PPFIA1: variants seen among roughly 807,000 people sequenced by gnomAD.
PPFIA1 encodes liprin-alpha-1.
PPFIA1 carries 25 observed loss-of-function variants against 149.9 expected under a neutral mutation model. The ratio of observed to expected loss-of-function variants is 0.17; its 90% CI spans 0.12 to 0.23. PPFIA1 has a LOEUF of 0.23. PPFIA1 is among the 10% of genes least tolerant of loss of function. The probability of loss-of-function intolerance (pLI) is 1.00; values close to 1 mark genes in which losing one functional copy is unlikely to be tolerated. For synonymous variants in PPFIA1, 549 were observed against 552.8 expected (o/e 0.99, Z 0.10); for missense variants, 1,362 against 1,506.5 (o/e 0.90, Z 1.59).
intron 16 of PPFIA1, chr11:70,349,817 G>A (rs1280397868): frequency 2.3e-6 from 1 of 439,846 alleles, no homozygotes; most frequent in South Asian, 1.6e-5. Flanking sequence ...AGTTGTGTAT[G>A]TATATATATT....
chr11:70,340,171 G>T (rs954336443), intron 14 of PPFIA1, among the ~76,000 whole-genome samples: 2 of 151,854 alleles, frequency 1.3e-5, no homozygotes, highest in Non-Finnish European at 2.9e-5. Flanking sequence ...GTTGGGTGTG[G>T]TAGTGTGTGC....
At position 70,330,261 on chromosome 11, in the gene PPFIA1, A is replaced by G. The variant is rs916549293; in HGVS notation, c.1019A>G (p.His340Arg). Reference protein sequence around the residue: ...LAAQREATSVHDLNDKLENEI... With the variant: ...LAAQREATSVRDLNDKLENEI... ...GCACAGCGTGAAGCCACATCTGTGC[A>G]TGACCTCAATGATAAACTTGAAAAT... is the stretch of plus-strand genomic sequence containing the variant. The change falls in exon 8 of 28, where the codon CAT (histidine) becomes CGT (arginine). Residue 340 changes from histidine to arginine, a missense_variant. Physicochemically the swap from His to Arg is conservative, Grantham distance 29. Around this residue, in one of 7 missense-constraint regions of PPFIA1, gnomAD observed 733 missense variants for 744.1 expected, o/e 0.99. Coordinates refer to ENST00000253925, the MANE Select transcript of PPFIA1 (RefSeq NM_003626.5). 4 of 1,589,762 alleles carry G rather than the reference A, an allele frequency of 2.5e-6. No homozygotes were observed. The highest frequency in any genetic ancestry group is 2.6e-6 in the Non-Finnish European group (3 of 1,171,864).
chr11:70,311,428 A>G (rs1189514237), intron 2 of PPFIA1, among the ~76,000 whole-genome samples: 2 of 152,232 alleles, frequency 1.3e-5, no homozygotes, highest in African/African-American at 4.8e-5. Context: ...CGGAATGCAC[A>G]CAACTGCTTT....
intron 16 of PPFIA1, among the ~76,000 whole-genome samples, chr11:70,349,100 C>T (rs553726239): frequency 2.9e-5 from 4 of 139,840 alleles, no homozygotes; most frequent in Non-Finnish European, 4.5e-5. Context: ...TCTTTCCTTT[C>T]GGAGTGCCCA....
intron 16 of PPFIA1, chr11:70,350,106 G>A (rs552210819): frequency 8.8e-6 from 3 of 341,798 alleles, no homozygotes; most frequent in Non-Finnish European, 1.7e-5. Flanking sequence ...TTATTAATGG[G>A]TTGTTTTTTT....
chr11:70,287,004 C>CACAT (rs752136418), intron 2 of PPFIA1, among the ~76,000 whole-genome samples: 8 of 151,502 alleles, frequency 5.3e-5, no homozygotes, highest in Admixed American at 6.6e-5. Context: ...CACACACACA[C>CACAT]ACATACATAT....
At chr11:70,354,492 C>G in intron 17 of PPFIA1, 40 bp downstream of exon 17, 2 of 1,546,854 alleles carry the variant, frequency 1.3e-6, no homozygotes, top group Non-Finnish European at 1.7e-6. Flanking sequence ...GCGCACCTGT[C>G]TTTTCGTTTC....
intron 10 of PPFIA1, 94 bp from the exon 11 acceptor site, chr11:70,335,469 C>T: frequency 6.9e-7 from 1 of 1,440,782 alleles, no homozygotes; most frequent in Non-Finnish European, 9.5e-7. Flanking sequence ...GAGGGGAGGG[C>T]ACACATGGGG....
intron 26 of PPFIA1, chr11:70,381,290 A>C (rs946457907): frequency 6.6e-6 from 1 of 152,184 alleles, no homozygotes; most frequent in African/African-American, 2.4e-5. Flanking sequence ...GTGGGAAAAC[A>C]AAAAACATAA....
At position 70,277,986 on chromosome 11, in the gene PPFIA1, C is replaced by T. The variant is rs146481080; in HGVS notation, c.264+5550C>T. On this transcript the variant is annotated intron_variant, in intron 2 of 27. Transcript: ENST00000253925. ...AGTGCAGTGATGTGATCTTGGCTCACTGCAACCACCGCCTCCCGGGTTCAA... is the reference window on the plus strand; with the variant it reads ...AGTGCAGTGATGTGATCTTGGCTCATTGCAACCACCGCCTCCCGGGTTCAA... 5.5e-3 allele frequency among the ~76,000 whole-genome samples: 836 copies of T among 152,234 alleles called. 4 individuals carry two copies. The highest frequency in any genetic ancestry group is 9.0e-3 in the Non-Finnish European group (610 of 68,008).
chr11:70,333,629 G>A lies in PPFIA1; in HGVS notation c.1296+76G>A, dbSNP rs563058497. On this transcript the variant is annotated intron_variant, in intron 10 of 27. Transcript: ENST00000253925. Reference sequence around the variant, plus strand: ...ATTGCTCGGCTGTGGGGAGCTCAGGGCCTCCCACCCCTGACTGAGATGTTG... The same window carrying A: ...ATTGCTCGGCTGTGGGGAGCTCAGGACCTCCCACCCCTGACTGAGATGTTG... 7 of 1,146,916 alleles carry A rather than the reference G, an allele frequency of 6.1e-6. No individual in the cohort carries two copies. In the South Asian group the frequency reaches 6.5e-5, roughly 11 times the overall value. 71.0% of individuals were successfully genotyped at this position (1,146,916 alleles called of 1,614,324 possible).
chr11:70,272,226 A>C lies in PPFIA1; in HGVS notation c.54A>C (p.Gly18=). The C allele has an allele frequency of 1.2e-6, 2 of 1,614,032 alleles. No homozygotes were observed. Among genetic ancestry groups the C allele is most frequent in the Non-Finnish European group, 1.7e-6 (2 of 1,179,950 alleles). The change falls in exon 2 of 28, where the codon GGA becomes GGC. Residue 18 remains glycine, a synonymous_variant. Transcript: ENST00000253925. ...GCGAAGCAGAAGGCCCCCCTGGAGG[A>C]GGTGGAGGCCATGGTTCCGGCTCCC... The part of the protein sequence containing the change: ...TISEAEGPPG[G]GGGHGSGSPS...
intron 2 of PPFIA1, among the ~76,000 whole-genome samples, chr11:70,309,263 G>A (rs1483982328): frequency 6.6e-6 from 1 of 151,882 alleles, no homozygotes; most frequent in African/African-American, 2.4e-5. Flanking sequence ...TCCGCCTCTC[G>A]GGTTCAAGCG....
In PPFIA1 at chr11:70,362,409, T is replaced by C; in HGVS notation, c.2786T>C (p.Leu929Pro). 6.2e-7 allele frequency: 1 copy of C among 1,614,152 alleles called. No homozygotes were observed. Among genetic ancestry groups the C allele is most frequent in the Non-Finnish European group, 8.5e-7 (1 of 1,180,030 alleles). Reference protein sequence around the residue: ...IQREIGISNPLHRLKLRLAIQ... With the variant: ...IQREIGISNPPHRLKLRLAIQ... ...CGTGAGATTGGCATCAGCAACCCCC[T>C]GCACAGGCTGAAGCTGAGGCTGGCC... The change falls in exon 21 of 28, where the codon CTG (leucine) becomes CCG (proline). Residue 929 changes from leucine (L) to proline (P), a missense_variant. Transcript: ENST00000253925.
intron 2 of PPFIA1, among the ~76,000 whole-genome samples, chr11:70,314,780 A>G (rs922702642): frequency 6.6e-6 from 1 of 152,240 alleles, no homozygotes; most frequent in African/African-American, 2.4e-5. Flanking sequence ...TGACAGGGAA[A>G]ATAAATAAGA....
intron 24 of PPFIA1, among the ~76,000 whole-genome samples, chr11:70,376,271 G>A (rs2057487698): frequency 6.6e-6 from 1 of 152,132 alleles, no homozygotes; most frequent in Non-Finnish European, 1.5e-5. Flanking sequence ...TTACAGGCAT[G>A]AGCCACCACA....
chr11:70,322,250 T>C (rs887102625), intron 2 of PPFIA1, among the ~76,000 whole-genome samples: 1 of 152,188 alleles, frequency 6.6e-6, no homozygotes, highest in East Asian at 1.9e-4. Flanking sequence ...TAATCTTTCC[T>C]CATGTACGAA....
chr11:70,369,382 AATATTTTGTT>A (rs2057116992), intron 21 of PPFIA1, among the ~76,000 whole-genome samples: 1 of 152,104 alleles, frequency 6.6e-6, no homozygotes. Context: ...TTGACTTGGC[AATATTTTGTT>A]ACATATTTTT....
chr11:70,365,281 T>A (rs2076539348), intron 21 of PPFIA1: 1 of 411,856 alleles, frequency 2.4e-6, no homozygotes, highest in South Asian at 1.7e-5. Context: ...CTCGGCCCCT[T>A]CTCTGTGCCT....
Sources: gnomAD v4.1 joint callset for allele counts (sites outside exome capture counted in the v4.1 genomes callset) on GRCh38, gnomAD v4.1.1 for gene constraint, gnomAD v4.1.1 regional missense constraint, MANE v1.5 for transcripts, NCBI Gene and HGNC (gene_info 2026-07-23, HGNC 2026-07-21) for gene names.